CD96: variants seen among roughly 807,000 people sequenced by gnomAD.
CD96 encodes T-cell surface protein tactile.
Under a neutral mutation model 71.3 loss-of-function variants are expected in CD96, and 70 were observed. The observed-to-expected ratio is 0.98, with a 90% CI of 0.81 to 1.20. The LOEUF is 1.20. CD96 is among the 50% of genes most tolerant of loss of function. The pLI, the probability that CD96 is intolerant of heterozygous loss-of-function variation, is 0.00. For missense variants in CD96, 742 were observed against 677.5 expected, an observed-to-expected ratio of 1.10 and a Z score of -1.06; for synonymous variants, 248 against 233.0, an observed-to-expected ratio of 1.06 and a Z score of -0.59.
intron 8 of CD96, 106 bp from the exon 9 acceptor site, chr3:111,623,648 A>T (rs896821443): frequency 2.7e-6 from 2 of 751,334 alleles, no homozygotes; most frequent in Non-Finnish European, 4.8e-6. Flanking sequence ...GTTCACTAAG[A>T]TTCTTTCCAA....
chr3:111,648,607 A>C (rs1350312638), intron 13 of CD96, among the ~76,000 whole-genome samples: 1 of 152,222 alleles, frequency 6.6e-6, no homozygotes, highest in Non-Finnish European at 1.5e-5. Context: ...AAAGCATCTA[A>C]AAATTGGGTA....
chr3:111,561,449 T>G (rs1935396253), intron 2 of CD96, among the ~76,000 whole-genome samples: 1 of 139,662 alleles, frequency 7.2e-6, no homozygotes, highest in Non-Finnish European at 1.6e-5. Context: ...CAGCTGCAGG[T>G]CTGTTGGAAT....
downstream of CD96, among the ~76,000 whole-genome samples, chr3:111,665,914 A>G (rs1559786811): frequency 1.3e-5 from 2 of 152,162 alleles, no homozygotes; most frequent in African/African-American, 2.4e-5. Flanking sequence ...ACCTCCTCCT[A>G]CAGGACTTTT....
intron 3 of CD96, among the ~76,000 whole-genome samples, chr3:111,575,904 T>C (rs1283348107): frequency 2.0e-5 from 3 of 152,242 alleles, no homozygotes; most frequent in Non-Finnish European, 4.4e-5. Context: ...CACTATGCCA[T>C]TGGGGATTAA....
intron 3 of CD96, chr3:111,577,437 C>A: frequency 4.5e-6 from 5 of 1,115,836 alleles, no homozygotes. Context: ...ACTTAGAGCT[C>A]CTCTGGGGGA....
intron 3 of CD96, chr3:111,571,052 C>CT: frequency 1.8e-6 from 2 of 1,125,014 alleles, no homozygotes; most frequent in Non-Finnish European, 2.7e-6. Context: ...GAGGTCCCTC[C>CT]AGGCTGTGGG....
intron 5 of CD96, among the ~76,000 whole-genome samples, chr3:111,591,626 G>A (rs1936992833): frequency 6.6e-6 from 1 of 152,070 alleles, no homozygotes; most frequent in African/African-American, 2.4e-5. Context: ...AACATAATAA[G>A]GTTCTGAGTC....
chr3:111,545,476 G>T (rs1413507523), intron 2 of CD96, 74 bp downstream of exon 2: 10 of 1,013,412 alleles, frequency 9.9e-6, no homozygotes, highest in Non-Finnish European at 1.6e-5. Context: ...TTTAAGAAAA[G>T]CAAGGTTAGG....
intron 5 of CD96, among the ~76,000 whole-genome samples, chr3:111,590,617 G>C (rs770987643): frequency 2.6e-5 from 4 of 152,226 alleles, no homozygotes; most frequent in Non-Finnish European, 5.9e-5. Context: ...TGTATCTTAT[G>C]CATTCCCAAA....
At chr3:111,568,734 G>A (rs904000486) in intron 3 of CD96, among the ~76,000 whole-genome samples, 5 of 151,940 alleles carry the variant, frequency 3.3e-5, no homozygotes, top group Non-Finnish European at 5.9e-5. Flanking sequence ...CTCATAACAC[G>A]TAAACAAAAT....
rs141972026 is a variant in CD96, at chr3:111,624,056, G to T, written c.1249+234G>T. Among the ~76,000 whole-genome samples the T allele has an allele frequency of 2.1e-4, 32 of 152,246 alleles. No individual in the cohort carries two copies. In the East Asian group the frequency reaches 6.2e-3, roughly 29 times the overall value. ...ATATTGTATCTTTTATTTGTCAAGG[G>T]ATTTTAAGGTAATATTAAAGTAGTC... On this transcript the variant is annotated intron_variant, in intron 9 of 13. Transcript: ENST00000352690.
intron 2 of CD96, among the ~76,000 whole-genome samples, chr3:111,551,972 C>T (rs1576303594): frequency 1.3e-5 from 2 of 152,198 alleles, no homozygotes; most frequent in East Asian, 1.9e-4. Flanking sequence ...TCTTTCTTGA[C>T]TTTTTAATAA....
At chr3:111,611,917 G>T (rs1421719486) in intron 8 of CD96, among the ~76,000 whole-genome samples, 1 of 152,208 alleles carries the variant, frequency 6.6e-6, no homozygotes, top group Non-Finnish European at 1.5e-5. Flanking sequence ...CCACAGCCCA[G>T]CATGTCTCCT....
In CD96 at chr3:111,638,155, C is replaced by T. The variant is rs781677630; in HGVS notation, c.1464C>T (p.His488=). Reference sequence around the variant, plus strand: ...CCAATGGATCTACGAAAACTAATCACGTCCATATCACTGGTAAGTCATTTA... The same window carrying T: ...CCAATGGATCTACGAAAACTAATCATGTCCATATCACTGGTAAGTCATTTA... The part of the protein sequence containing the change: ...TTANGSTKTN[H]VHITGIVVNK... Residue 488 remains histidine, a synonymous_variant, in exon 12 of 14, where the codon CAC becomes CAT. Transcript: ENST00000352690. 6 of 1,590,290 alleles carry T rather than the reference C, an allele frequency of 3.8e-6. No homozygotes were observed. Among genetic ancestry groups the T allele is most frequent in the Admixed American group, 3.3e-5 (2 of 59,992 alleles).
intron 1 of CD96, among the ~76,000 whole-genome samples, chr3:111,543,633 G>C (rs991115673): frequency 1.6e-4 from 24 of 152,126 alleles, no homozygotes; most frequent in African/African-American, 5.6e-4. Flanking sequence ...TTAAGTATAG[G>C]TTACTTAGAA....
chr3:111,638,734 G>A (rs1391057091), intron 12 of CD96, among the ~76,000 whole-genome samples: 1 of 152,184 alleles, frequency 6.6e-6, no homozygotes, highest in Non-Finnish European at 1.5e-5. Context: ...CTTGACTAGT[G>A]AATGCCACAC....
chr3:111,621,683 C>A (rs1039427169), intron 8 of CD96, among the ~76,000 whole-genome samples: 1 of 152,178 alleles, frequency 6.6e-6, no homozygotes, highest in African/African-American at 2.4e-5. Flanking sequence ...AGAAGCACAG[C>A]CGCTCTTAAT....
rs2107583784 is a variant in CD96 at position 111,579,102 on chromosome 3, G to A, written c.619G>A (p.Val207Ile). The A allele has an allele frequency of 1.9e-6, 3 of 1,605,522 alleles. No homozygotes were observed. Among genetic ancestry groups the A allele is most frequent in the Non-Finnish European group, 2.6e-6 (3 of 1,172,052 alleles). ...CAATTCCACATTACTTAAAGATAGA[G>A]TCAAGCTTGGTACAGACTACAGACT... is the stretch of plus-strand genomic sequence containing the variant. Reference protein sequence around the residue: ...ISNSTLLKDRVKLGTDYRLHL... With the variant: ...ISNSTLLKDRIKLGTDYRLHL... Residue 207 changes from valine (V) to isoleucine (I), a missense_variant, in exon 4 of 14, where the codon GTC becomes ATC. Physicochemically the swap from Val to Ile is conservative, Grantham distance 29. Coordinates refer to ENST00000352690, the MANE Select transcript of CD96 (RefSeq NM_005816.5).
chr3:111,627,581 G>T (rs1433289200), intron 10 of CD96, among the ~76,000 whole-genome samples: 1 of 152,206 alleles, frequency 6.6e-6, no homozygotes, highest in Non-Finnish European at 1.5e-5. Flanking sequence ...CAGGCTGTGG[G>T]CCTTGAAGAG....
Sources: allele counts gnomAD v4.1 joint callset (sites outside exome capture counted in the v4.1 genomes callset), GRCh38; gene constraint gnomAD v4.1.1; transcripts MANE v1.5; gene names NCBI Gene and HGNC (gene_info 2026-07-23, HGNC 2026-07-21).